Variants in PLXNA4 observed in about 807,000 individuals in gnomAD.
The protein encoded by PLXNA4 is plexin-A4.
Under a neutral mutation model 191.8 loss-of-function variants are expected in PLXNA4, and 44 were observed. The ratio of observed to expected loss-of-function variants is 0.23; its 90% CI spans 0.18 to 0.29. The LOEUF (loss-of-function observed/expected upper bound fraction) is 0.29. PLXNA4 is among the 10% of genes least tolerant of loss of function. The pLI, the probability that PLXNA4 is intolerant of heterozygous loss-of-function variation, is 1.00. For synonymous variants in PLXNA4, 1,082 were observed against 1,009.5 expected (o/e 1.07, Z -1.36); for missense variants, 1,800 against 2,488.8 (o/e 0.72, Z 5.89).
At chr7:132,596,786 G>T (rs1802717443) in intron 2 of PLXNA4, among the ~76,000 whole-genome samples, 1 of 148,394 alleles carries the variant, frequency 6.7e-6, no homozygotes, top group Non-Finnish European at 1.5e-5. Flanking sequence ...ACTTTTTGAT[G>T]ATCATGCAAT....
Position 132,146,570 on chromosome 7 carries a change from C to T in PLXNA4, c.4995G>A (p.Glu1665=). The change falls in exon 28 of 32, where the codon GAG becomes GAA. Residue 1665 remains glutamate, a synonymous_variant. Coordinates refer to ENST00000321063, the MANE Select transcript of PLXNA4 (RefSeq NM_020911.2). ...ACACCATCTTGCTCCCCCGGTCCCC[C>T]TCCTTCTGGTCTCCGTGCTCGTGGT... is the stretch of plus-strand genomic sequence containing the variant. ...VKNHEHGDQK[E]GDRGSKMVSE... The T allele has an allele frequency of 6.2e-7, 1 of 1,614,180 alleles. No homozygotes were observed. Among genetic ancestry groups the T allele is most frequent in the Non-Finnish European group, 8.5e-7 (1 of 1,180,026 alleles).
intron 2 of PLXNA4, among the ~76,000 whole-genome samples, chr7:132,594,649 T>C (rs1802664875): frequency 6.6e-6 from 1 of 152,188 alleles, no homozygotes; most frequent in South Asian, 2.1e-4. Context: ...GCTCTCACTC[T>C]CTAAATTAAA....
intron 3 of PLXNA4, among the ~76,000 whole-genome samples, chr7:132,336,537 A>G (rs1032455638): frequency 6.6e-6 from 1 of 152,162 alleles, no homozygotes; most frequent in African/African-American, 2.4e-5. Flanking sequence ...CCAGAACAGA[A>G]GAGTTTTCCT....
intron 24 of PLXNA4, among the ~76,000 whole-genome samples, chr7:132,163,519 G>A (rs1014392628): frequency 6.6e-6 from 1 of 152,192 alleles, no homozygotes; most frequent in Non-Finnish European, 1.5e-5. Context: ...TCAAATCCAG[G>A]TCTGTCTGAT....
chr7:132,504,936 T>C (rs1056388643), intron 2 of PLXNA4, among the ~76,000 whole-genome samples: 2 of 152,198 alleles, frequency 1.3e-5, no homozygotes, highest in African/African-American at 4.8e-5. Flanking sequence ...ACACGTGTGG[T>C]CTGAGCCGAC....
intron 3 of PLXNA4, chr7:132,384,065 TA>T: frequency 1.0e-6 from 1 of 985,442 alleles, no homozygotes; most frequent in Non-Finnish European, 1.2e-6. Flanking sequence ...CTGCTCTCAC[TA>T]AATCTCCAGC....
chr7:132,391,971 A>G (rs1033927169), intron 3 of PLXNA4, among the ~76,000 whole-genome samples: 2 of 152,126 alleles, frequency 1.3e-5, no homozygotes, highest in African/African-American at 4.8e-5. Context: ...TACTAAAAAT[A>G]TGAAGCATTA....
intron 3 of PLXNA4, among the ~76,000 whole-genome samples, chr7:132,330,766 C>G (rs1004026137): frequency 6.6e-6 from 1 of 152,212 alleles, no homozygotes; most frequent in African/African-American, 2.4e-5. Context: ...TCACAGACAG[C>G]ACCACTGACC....
chr7:132,130,600 A>C (rs1484451051), intron 31 of PLXNA4, 26 bp from the exon 32 acceptor site: 1 of 1,613,786 alleles, frequency 6.2e-7, no homozygotes, highest in African/African-American at 1.3e-5. Flanking sequence ...GAACAGGGAG[A>C]TTACTCATTT....
intron 31 of PLXNA4, 88 bp downstream of exon 31, chr7:132,132,961 C>T (rs752748957): frequency 3.2e-5 from 48 of 1,523,196 alleles, no homozygotes; most frequent in South Asian, 1.6e-4. Context: ...GTGTCTGTGG[C>T]GATGATCTCT....
rs781160773 is a variant in PLXNA4 at position 132,507,567 on chromosome 7, C to T, written c.1127G>A (p.Arg376Gln). Residue 376 changes from arginine (R) to glutamine (Q), a missense_variant, in exon 2 of 32, where the codon CGG (arginine) becomes CAG (glutamine). By Grantham distance (43) the Arg-to-Gln change is conservative (BLOSUM62 1). Transcript: ENST00000321063. ...GGCCAGGTCCAGCGTGCCCTCGCCC[C>T]GGTAACAAGACTGCAGCCGCTCCTT... is the stretch of plus-strand genomic sequence containing the variant. ...RIKERLQSCYRGEGTLDLAWL... is the reference protein window; with the variant it reads ...RIKERLQSCYQGEGTLDLAWL... 4.4e-5 allele frequency: 71 copies of T among 1,613,902 alleles called. No individual in the cohort carries two copies. In the African/African-American group the frequency reaches 6.5e-4, roughly 15 times the overall value.
chr7:132,242,204 T>C (rs1189077297), intron 4 of PLXNA4, among the ~76,000 whole-genome samples: 2 of 152,108 alleles, frequency 1.3e-5, no homozygotes, highest in East Asian at 1.9e-4. Context: ...TACCTTTTTA[T>C]CTCAATGGAG....
At chr7:132,244,343 C>A (rs559349911) in intron 4 of PLXNA4, among the ~76,000 whole-genome samples, 10 of 152,332 alleles carry the variant, frequency 6.6e-5, no homozygotes, top group South Asian at 4.1e-4. Context: ...ACATGTATAA[C>A]AATGGCACCA....
In PLXNA4 at chr7:132,156,237, C is replaced by T. The variant is rs116515499; in HGVS notation, c.4660+3236G>A. Among the ~76,000 whole-genome samples, 416 of 151,926 alleles carry T rather than the reference C, an allele frequency of 2.7e-3. 1 individual carries two copies. Among genetic ancestry groups the T allele is most frequent in the Middle Eastern group, 0.024 (7 of 294 alleles). On this transcript the variant is annotated intron_variant, in intron 25 of 31. Transcript: ENST00000321063. ...TATTTCTTTGGAGAATCCTTACTAA[C>T]GCGGTTTCCCATCTTGGCTCCTTAA...
chr7:132,287,550 G>A (rs534479299), intron 4 of PLXNA4, among the ~76,000 whole-genome samples: 70 of 152,208 alleles, frequency 4.6e-4, no homozygotes, highest in African/African-American at 1.5e-3. Flanking sequence ...AGCCAAGTCC[G>A]TGATCTGTTC....
rs1344143685 is a variant in PLXNA4, at chr7:132,507,880, T to C, written c.814A>G (p.Lys272Glu). Residue 272 changes from lysine (K) to glutamate (E), a missense_variant, in exon 2 of 32, where the codon AAG becomes GAG. Coordinates refer to ENST00000321063, the MANE Select transcript of PLXNA4 (RefSeq NM_020911.2). ...AGCTTGGATGTATACACCTGCTCCT[T>C]GGTGGTGGAGCCTGGTGGAGACACC... ...EMVSPPGSTTKEQVYTSKLVR... is the reference protein window; with the variant it reads ...EMVSPPGSTTEEQVYTSKLVR... 42 of 1,614,044 alleles carry C rather than the reference T, an allele frequency of 2.6e-5. No individual in the cohort carries two copies. In the Admixed American group the frequency reaches 6.8e-4, roughly 26 times the overall value.
intron 2 of PLXNA4, among the ~76,000 whole-genome samples, chr7:132,638,950 G>T (rs550351595): frequency 1.3e-5 from 2 of 152,070 alleles, no homozygotes; most frequent in African/African-American, 4.8e-5. Flanking sequence ...CAAGTCTCCA[G>T]ATATTCCTAA....
In PLXNA4 at chr7:132,499,502, CA is replaced by C. The variant is rs1391591328; in HGVS notation, c.1188+8003del. 2.0e-5 allele frequency among the ~76,000 whole-genome samples: 3 copies of C among 152,346 alleles called. No individual in the cohort carries two copies. The East Asian group carries it at 5.8e-4, about 29-fold the overall frequency. On this transcript the variant is annotated intron_variant, in intron 2 of 31. Transcript: ENST00000321063. ...CCAGAGAACCCCAGTGGCTACCTGT[CA>C]GGGGCAGATAAATCCCATGCCACCA...
intron 3 of PLXNA4, among the ~76,000 whole-genome samples, chr7:132,327,575 C>A (rs1802422613): frequency 6.6e-6 from 1 of 152,046 alleles, no homozygotes; most frequent in Non-Finnish European, 1.5e-5. Flanking sequence ...CATTTGTCAC[C>A]CTTATAACAC....
Sources: allele counts gnomAD v4.1 joint callset (sites outside exome capture counted in the v4.1 genomes callset), GRCh38; gene constraint gnomAD v4.1.1; transcripts MANE v1.5; gene names NCBI Gene and HGNC (gene_info 2026-07-23, HGNC 2026-07-21).